PTPRD: variants seen among roughly 807,000 people sequenced by gnomAD.
PTPRD encodes protein tyrosine phosphatase receptor type D.
Under a neutral mutation model 214.5 loss-of-function variants are expected in PTPRD, and 34 were observed. The observed-to-expected ratio is 0.16, with a 90% CI of 0.12 to 0.21. The LOEUF (loss-of-function observed/expected upper bound fraction) is 0.21, where lower values mean the gene tolerates loss of function less well. PTPRD is among the 10% of genes least tolerant of loss of function. The pLI is 1.00. For synonymous variants in PTPRD, 1,128 were observed against 845.7 expected (o/e 1.33, Z -5.79); for missense variants, 2,545 against 2,398.7 (o/e 1.06, Z -1.27).
In PTPRD at chr9:8,929,866, CAT is replaced by C. The variant is rs1491582185; in HGVS notation, c.-104+88829_-104+88830del. 4.2e-4 allele frequency among the ~76,000 whole-genome samples: 16 copies of C among 38,210 alleles called. 1 individual carries two copies. In the South Asian group the frequency reaches 0.011, roughly 25 times the overall value. 25.1% of individuals were successfully genotyped at this position (38,210 alleles called of 152,430 possible). Reference sequence around the variant, plus strand: ...ATGTGTGTATATATATGTGTATATACATGTGTGTGTATATATGTGTGTGTATA... The same window carrying C: ...ATGTGTGTATATATATGTGTATATACGTGTGTGTATATATGTGTGTGTATA... On this transcript the variant is annotated intron_variant, in intron 11 of 45. Transcript: ENST00000381196.
At chr9:8,488,879 G>A (rs936403620) in intron 27 of PTPRD, among the ~76,000 whole-genome samples, 6 of 152,056 alleles carry the variant, frequency 3.9e-5, no homozygotes, top group Non-Finnish European at 8.8e-5. Flanking sequence ...ACGAGTGGGT[G>A]GAAACACAAC....
intron 3 of PTPRD, among the ~76,000 whole-genome samples, chr9:10,289,439 C>A (rs1279326093): frequency 2.0e-5 from 3 of 152,068 alleles, no homozygotes; most frequent in African/African-American, 7.2e-5. Context: ...ATGTGACTGC[C>A]TAACATCAAA....
chr9:9,558,584 A>G (rs986909989), intron 8 of PTPRD, among the ~76,000 whole-genome samples: 2 of 152,172 alleles, frequency 1.3e-5, no homozygotes, highest in African/African-American at 4.8e-5. Context: ...CAAGCAACTG[A>G]GCACGCAGGC....
chr9:9,677,432 G>A (rs566409841), intron 7 of PTPRD, among the ~76,000 whole-genome samples: 4 of 152,160 alleles, frequency 2.6e-5, no homozygotes, highest in South Asian at 2.1e-4. Flanking sequence ...ATCAATAAAC[G>A]TTTTCCAGCA....
intron 5 of PTPRD, among the ~76,000 whole-genome samples, chr9:9,936,267 A>G (rs1226591707): frequency 6.6e-6 from 1 of 151,246 alleles, no homozygotes; most frequent in African/African-American, 2.4e-5. Context: ...ACAGCAAAAG[A>G]AACTACCATC....
chr9:9,813,152 C>T (rs146261322), intron 5 of PTPRD, among the ~76,000 whole-genome samples: 65 of 151,896 alleles, frequency 4.3e-4, no homozygotes, highest in East Asian at 2.5e-3. Context: ...TACAAGAAGT[C>T]CTAAGAGGGA....
chr9:9,968,904 C>A (rs2094901685), intron 4 of PTPRD, among the ~76,000 whole-genome samples: 1 of 152,168 alleles, frequency 6.6e-6, no homozygotes, highest in Admixed American at 6.5e-5. Flanking sequence ...ATTAAGAATT[C>A]TTCATTGAGC....
intron 4 of PTPRD, among the ~76,000 whole-genome samples, chr9:10,022,764 T>C (rs1381092187): frequency 6.6e-6 from 1 of 152,200 alleles, no homozygotes; most frequent in Non-Finnish European, 1.5e-5. Context: ...TAAAATGCTA[T>C]AAAGGGGAGC....
chr9:9,495,039 G>A (rs1161553659), intron 8 of PTPRD, among the ~76,000 whole-genome samples: 1 of 152,024 alleles, frequency 6.6e-6, no homozygotes, highest in Non-Finnish European at 1.5e-5. Flanking sequence ...TTTTTGACAA[G>A]AGCACCAAGA....
chr9:8,559,601 A>T (rs948491086), intron 14 of PTPRD, among the ~76,000 whole-genome samples: 1 of 152,190 alleles, frequency 6.6e-6, no homozygotes, highest in Admixed American at 6.5e-5. Context: ...GAAGCCCAAC[A>T]GATTCACTCC....
At chr9:9,430,028 C>A (rs1308156866) in intron 8 of PTPRD, among the ~76,000 whole-genome samples, 3 of 152,166 alleles carry the variant, frequency 2.0e-5, no homozygotes, top group Non-Finnish European at 4.4e-5. Flanking sequence ...TCCTATTCAA[C>A]ATAGTGTTGG....
intron 8 of PTPRD, among the ~76,000 whole-genome samples, chr9:9,404,260 G>T (rs555156946): frequency 6.6e-6 from 1 of 152,004 alleles, no homozygotes; most frequent in Non-Finnish European, 1.5e-5. Flanking sequence ...ACATGCCTCC[G>T]GCTACTCTGT....
chr9:9,812,582 T>G (rs557312836), intron 5 of PTPRD, among the ~76,000 whole-genome samples: 4 of 152,126 alleles, frequency 2.6e-5, no homozygotes, highest in African/African-American at 9.7e-5. Context: ...AGTCACTATA[T>G]AATGATAAAG....
chr9:10,364,750 G>T (rs1048205465), intron 2 of PTPRD, among the ~76,000 whole-genome samples: 27 of 151,952 alleles, frequency 1.8e-4, no homozygotes, highest in African/African-American at 6.3e-4. Context: ...ATATCCCCTG[G>T]GTTCACATTA....
At chr9:9,889,913 T>A (rs1397446642) in intron 5 of PTPRD, among the ~76,000 whole-genome samples, 2 of 152,014 alleles carry the variant, frequency 1.3e-5, no homozygotes. Context: ...GGTACTTCCC[T>A]GTAGGCACTT....
chr9:10,554,509 A>G (rs1015118312), intron 2 of PTPRD, among the ~76,000 whole-genome samples: 1 of 152,084 alleles, frequency 6.6e-6, no homozygotes, highest in Non-Finnish European at 1.5e-5. Context: ...TATTATCCAC[A>G]GTTTTTTCTT....
intron 4 of PTPRD, among the ~76,000 whole-genome samples, chr9:9,961,633 G>A (rs73404519): frequency 0.047 from 7,155 of 152,100 alleles, 554 homozygotes; most frequent in African/African-American, 0.16. Flanking sequence ...AGCAGAGTGT[G>A]GGAAATGTTA....
intron 10 of PTPRD, among the ~76,000 whole-genome samples, chr9:9,033,533 G>A (rs2099612324): frequency 1.3e-5 from 2 of 152,078 alleles, no homozygotes; most frequent in South Asian, 4.1e-4. Flanking sequence ...TTCTATAAAA[G>A]GATTCATCAT....
chr9:10,266,753 A>T (rs1209022615), intron 3 of PTPRD, among the ~76,000 whole-genome samples: 1 of 152,184 alleles, frequency 6.6e-6, no homozygotes, highest in Non-Finnish European at 1.5e-5. Flanking sequence ...AGAAAAAAAA[A>T]ATCTATAACC....
Sources: allele counts gnomAD v4.1 joint callset (sites outside exome capture counted in the v4.1 genomes callset), GRCh38; gene constraint gnomAD v4.1.1; transcripts MANE v1.5; gene names NCBI Gene and HGNC (gene_info 2026-07-23, HGNC 2026-07-21).